Variants in PDE1C observed in about 807,000 individuals in gnomAD.
PDE1C encodes dual specificity calcium/calmodulin-dependent 3',5'-cyclic nucleotide phosphodiesterase 1C.
A neutral mutation model predicts 93.1 loss-of-function variants in PDE1C; 62 were observed. The ratio of observed to expected loss-of-function variants is 0.67; its 90% confidence interval spans 0.54 to 0.82. The LOEUF is 0.82. Among genes scored for constraint, PDE1C ranks in the 40% least tolerant of loss-of-function variants. The pLI is 0.00. For missense variants in PDE1C, 742 were observed against 884.6 expected, an observed-to-expected ratio of 0.84 and a Z score of 2.04; for synonymous variants, 325 against 310.1, an observed-to-expected ratio of 1.05 and a Z score of -0.50.
chr7:31,730,481 G>A, the PDE1C span, among the ~76,000 whole-genome samples: 263 of 152,182 alleles, frequency 1.7e-3, 1 homozygote, highest in African/African-American at 5.9e-3. Context: ...AACTAACCAG[G>A]GTGTTTGTCT....
chr7:32,281,110 AAAACAATTAAATCTCTACCTTAT>A (rs1811602728), intron 1 of PDE1C, among the ~76,000 whole-genome samples: 1 of 152,236 alleles, frequency 6.6e-6, no homozygotes, highest in South Asian at 2.1e-4. Context: ...ATTTAGGGAA[AAAACAATTAAATCTCTACCTTAT>A]TACAAAATGA....
At chr7:32,227,947 G>A (rs921375660) in intron 1 of PDE1C, among the ~76,000 whole-genome samples, 1 of 152,168 alleles carries the variant, frequency 6.6e-6, no homozygotes, top group Non-Finnish European at 1.5e-5. Context: ...AGTCATATTG[G>A]AAGCAGGGCC....
the PDE1C span, among the ~76,000 whole-genome samples, chr7:31,617,273 A>C: frequency 7.1e-5 from 3 of 42,426 alleles, no homozygotes; most frequent in Non-Finnish European, 1.8e-4. Context: ...TTAACTTTGC[A>C]AAGGGGATGA....
intron 1 of PDE1C, among the ~76,000 whole-genome samples, chr7:32,231,691 G>A (rs1250940064): frequency 2.0e-5 from 3 of 152,114 alleles, no homozygotes; most frequent in Admixed American, 2.0e-4. Context: ...AAGAAAAATT[G>A]TAGATCAATT....
chr7:32,357,752 C>G (rs1784060033), intron 1 of PDE1C, among the ~76,000 whole-genome samples: 1 of 152,164 alleles, frequency 6.6e-6, no homozygotes, highest in African/African-American at 2.4e-5. Flanking sequence ...CATGCCTTCA[C>G]TGTGGTAACA....
intron 16 of PDE1C, chr7:31,785,053 T>C (rs1469739619): frequency 6.6e-6 from 1 of 152,158 alleles, no homozygotes; most frequent in African/African-American, 2.4e-5. Flanking sequence ...TAAAACCCAT[T>C]CTATAGCCAT....
chr7:32,195,673 G>A (rs998317974), intron 2 of PDE1C, among the ~76,000 whole-genome samples: 1 of 152,092 alleles, frequency 6.6e-6, no homozygotes, highest in African/African-American at 2.4e-5. Flanking sequence ...GCAACATAGT[G>A]AGACCCTGTC....
chr7:32,094,717 G>A (rs1174658285), intron 3 of PDE1C, among the ~76,000 whole-genome samples: 2 of 152,168 alleles, frequency 1.3e-5, no homozygotes, highest in African/African-American at 4.8e-5. Context: ...TCGTGATGAT[G>A]GGCTCCCAGT....
chr7:32,025,003 C>T (rs551373056), intron 2 of PDE1C, among the ~76,000 whole-genome samples: 2 of 152,154 alleles, frequency 1.3e-5, no homozygotes, highest in South Asian at 2.1e-4. Flanking sequence ...TAAAATGGAA[C>T]ACTCAAGCAC....
chr7:31,719,617 C>T, the PDE1C span, among the ~76,000 whole-genome samples: 1 of 152,288 alleles, frequency 6.6e-6, no homozygotes, highest in South Asian at 2.1e-4. Flanking sequence ...CCCAGCCACA[C>T]GATTCTCTCC....
At chr7:31,644,187 T>C in the PDE1C span, among the ~76,000 whole-genome samples, 3 of 152,232 alleles carry the variant, frequency 2.0e-5, no homozygotes, top group Non-Finnish European at 4.4e-5. Flanking sequence ...TTATCATTAA[T>C]CATCATTTTA....
At chr7:31,675,707 T>C in the PDE1C span, among the ~76,000 whole-genome samples, 10 of 151,226 alleles carry the variant, frequency 6.6e-5, no homozygotes, top group Non-Finnish European at 1.5e-4. Flanking sequence ...AATAAATAAA[T>C]ATTATTAAAA....
At chr7:32,178,544 C>A (rs1803161134) in intron 2 of PDE1C, among the ~76,000 whole-genome samples, 1 of 152,170 alleles carries the variant, frequency 6.6e-6, no homozygotes, top group East Asian at 1.9e-4. Context: ...ATATCAAAAA[C>A]CCCATGAGGG....
intron 1 of PDE1C, among the ~76,000 whole-genome samples, chr7:32,354,464 C>T (rs1388150532): frequency 2.6e-5 from 4 of 151,942 alleles, no homozygotes. Flanking sequence ...CTGTCTCACA[C>T]AAAAAAATTT....
intron 1 of PDE1C, among the ~76,000 whole-genome samples, chr7:32,349,085 A>T (rs1314264775): frequency 2.0e-5 from 3 of 152,244 alleles, no homozygotes; most frequent in East Asian, 3.8e-4. Context: ...ATTCAAACTC[A>T]TTCTCCAATG....
At chr7:31,635,243 C>G in the PDE1C span, among the ~76,000 whole-genome samples, 3 of 152,146 alleles carry the variant, frequency 2.0e-5, no homozygotes, top group Admixed American at 6.5e-5. Flanking sequence ...AATCCTACAT[C>G]TAGATGTGCA....
intron 1 of PDE1C, among the ~76,000 whole-genome samples, chr7:32,390,613 A>G (rs575313042): frequency 6.6e-6 from 1 of 151,928 alleles, no homozygotes; most frequent in South Asian, 2.1e-4. Context: ...TTAGGAGGCC[A>G]AGGCAGGAGG....
chr7:32,210,398 T>C (rs978743876), intron 1 of PDE1C, among the ~76,000 whole-genome samples: 2 of 152,202 alleles, frequency 1.3e-5, no homozygotes, highest in South Asian at 2.1e-4. Flanking sequence ...TCATTCTAGC[T>C]GAGAAAAAAG....
the PDE1C span, among the ~76,000 whole-genome samples, chr7:31,685,773 C>T: frequency 6.6e-6 from 1 of 152,190 alleles, no homozygotes; most frequent in Middle Eastern, 3.2e-3. Context: ...AGACCTGCTT[C>T]TAGGCCCTGT....
Sources: allele counts gnomAD v4.1 joint callset (sites outside exome capture counted in the v4.1 genomes callset), GRCh38; gene constraint gnomAD v4.1.1; transcripts MANE v1.5; gene names NCBI Gene and HGNC (gene_info 2026-07-23, HGNC 2026-07-21).